The following MEAK7 variants were observed in gnomAD, a reference collection of about 807,000 sequenced individuals.
MEAK7 encodes the protein MTOR associated protein MEAK7.
MEAK7 carries 68 observed loss-of-function variants against 40.5 expected under a neutral mutation model. The ratio of observed to expected loss-of-function variants is 1.68; its 90% CI spans 1.38 to 2.06. MEAK7 has a LOEUF of 2.06. MEAK7 is among the 30% of genes most tolerant of loss of function. The pLI is 0.00. For missense variants in MEAK7, 918 were observed against 580.5 expected (o/e 1.58, Z -5.98); for synonymous variants, 338 against 231.9 (o/e 1.46, Z -4.16).
chr16:84,488,668 TA>T (rs1183115086), intron 4 of MEAK7, among the ~76,000 whole-genome samples: 1 of 152,260 alleles, frequency 6.6e-6, no homozygotes, highest in East Asian at 1.9e-4. Context: ...ATGGAGAAAT[TA>T]AATAACACAC....
Position 84,501,222 on chromosome 16 carries a change from C to G in MEAK7, c.-25-3111G>C, listed in dbSNP as rs545639187. Among the ~76,000 whole-genome samples, 117 of 151,910 alleles carry G rather than the reference C, an allele frequency of 7.7e-4. 3 individuals carry two copies. The South Asian group carries it at 0.018, about 24-fold the overall frequency. On this transcript the variant is annotated intron_variant, in intron 1 of 7. Transcript: ENST00000343629. ...AAAGGTCCCAAAGGTCACATTCCAG[C>G]TGAGTCTTCAGAGACTCACAGGTGA...
intron 3 of MEAK7, 45 bp downstream of exon 3, chr16:84,495,638 C>T: frequency 6.3e-7 from 1 of 1,596,426 alleles, no homozygotes; most frequent in Non-Finnish European, 8.6e-7. Flanking sequence ...CCGATGGTCA[C>T]CAAGACTGCT....
chr16:84,492,862 G>A (rs560123746), intron 3 of MEAK7, among the ~76,000 whole-genome samples: 68 of 152,276 alleles, frequency 4.5e-4, no homozygotes, highest in African/African-American at 1.1e-3. Context: ...CATTACAGGC[G>A]TCAGCCACTA....
chr16:84,501,911 G>A (rs966508510), intron 1 of MEAK7, among the ~76,000 whole-genome samples: 6 of 152,168 alleles, frequency 3.9e-5, no homozygotes, highest in African/African-American at 7.2e-5. Flanking sequence ...TTGGGAGGCC[G>A]AGGCGGGTGG....
intron 3 of MEAK7, among the ~76,000 whole-genome samples, chr16:84,491,846 A>C (rs1195274242): frequency 6.6e-6 from 1 of 152,074 alleles, no homozygotes; most frequent in Admixed American, 6.5e-5. Context: ...CAAAAAAAAA[A>C]AAAAGAAAAG....
At chr16:84,486,554 C>A (rs1047339455) in intron 5 of MEAK7, 77 bp downstream of exon 5, 16 of 1,511,782 alleles carry the variant, frequency 1.1e-5, no homozygotes, top group Non-Finnish European at 1.3e-5. Context: ...CTATTTAGCA[C>A]CCCCACCCTC....
In MEAK7 at chr16:84,482,707, TC is replaced by T; in HGVS notation, c.961del (p.Asp321ThrfsTer28). ...SWEVKPQFQG[D>X]NRCFLFSICP... ...GATGGAGAACAGGAAGCATCTGTTG[TC>T]CCCTGAAAGTAGCCAGAGAACAAAA... On this transcript the variant is annotated frameshift_variant and splice_region_variant, in exon 6 of 8. Coordinates refer to ENST00000343629, the MANE Select transcript of MEAK7 (RefSeq NM_020947.4). LOFTEE classifies it high-confidence loss of function. 6.2e-7 allele frequency: 1 copy of T among 1,614,076 alleles called. No homozygotes were observed. Among genetic ancestry groups the T allele is most frequent in the Non-Finnish European group, 8.5e-7 (1 of 1,179,994 alleles).
intron 3 of MEAK7, among the ~76,000 whole-genome samples, chr16:84,492,304 T>A (rs1447431434): frequency 6.6e-6 from 1 of 152,170 alleles, no homozygotes; most frequent in Non-Finnish European, 1.5e-5. Flanking sequence ...TTTAAAGAAT[T>A]ATAAAAGGTT....
chr16:84,495,810 A>C lies in MEAK7; in HGVS notation c.257T>G (p.Val86Gly), dbSNP rs777818173. The C allele has an allele frequency of 3.3e-5, 54 of 1,613,944 alleles. No individual in the cohort carries two copies. The highest frequency in any genetic ancestry group is 4.2e-5 in the Non-Finnish European group (50 of 1,180,022). The change falls in exon 3 of 8, where the codon GTG becomes GGG. Residue 86 changes from valine (V) to glycine (G), a missense_variant. Physicochemically the swap from Val to Gly is moderately radical, Grantham distance 109 (BLOSUM62 -3). Transcript: ENST00000343629. ...TGKAKGPSEN[V>G]SQEQFTASMS... ...GGATGCTGTGAACTGCTCCTGGGACACGTTCTCACTGGGTCCCTTCGCCTT... is the reference window on the plus strand; with the variant it reads ...GGATGCTGTGAACTGCTCCTGGGACCCGTTCTCACTGGGTCCCTTCGCCTT...
chr16:84,487,056 C>A lies in MEAK7; in HGVS notation c.533G>T (p.Gly178Val). Residue 178 changes from glycine to valine, a missense_variant, in exon 5 of 8, where the codon GGC (glycine) becomes GTC (valine). Transcript: ENST00000343629. Reference protein sequence around the residue: ...QLLSDMKLQDGKRLLGPQWLD... With the variant: ...QLLSDMKLQDVKRLLGPQWLD... ...CCACTGGGGCCCCAGAAGTCTCTTGCCATCTAGGGGAAGGGGATGGTCAGC... is the reference window on the plus strand; with the variant it reads ...CCACTGGGGCCCCAGAAGTCTCTTGACATCTAGGGGAAGGGGATGGTCAGC... The A allele has an allele frequency of 6.2e-7, 1 of 1,609,276 alleles. No homozygotes were observed. Among genetic ancestry groups the A allele is most frequent in the Non-Finnish European group, 8.5e-7 (1 of 1,177,680 alleles).
At position 84,486,634 on chromosome 16, in the gene MEAK7, G is replaced by A. The variant is rs762204423; in HGVS notation, c.955C>T (p.Gln319Ter). The A allele has an allele frequency of 3.1e-6, 5 of 1,602,582 alleles. No individual in the cohort carries two copies. The East Asian group carries it at 8.9e-5, about 29-fold the overall frequency. ...SCSWEVKPQF[Q>*]GDNRCFLFSI... ...GGTTCAGGACACCAAGTCTTACCTT[G>A]AAACTGAGGCTTCACCTCCCAAGAG... Residue 319 changes from glutamine to a stop codon, truncating the protein, a stop_gained, in exon 5 of 8, where the codon CAA (glutamine) becomes TAA (stop). Transcript: ENST00000343629. LOFTEE classifies it high-confidence loss of function.
Position 84,489,423 on chromosome 16 carries a change from C to G in MEAK7, c.385-1G>C. 12 of 1,606,238 alleles carry G rather than the reference C, an allele frequency of 7.5e-6. No individual in the cohort carries two copies. Among genetic ancestry groups the G allele is most frequent in the Non-Finnish European group, 1.0e-5 (12 of 1,175,520 alleles). ...CAGAGCCAACCAGATCCTCTGTAAA[C>G]TGTAAGATCACAATTTTACCATTAA... On this transcript the variant is annotated splice_acceptor_variant, in intron 3 of 7. Transcript: ENST00000343629. LOFTEE classifies it high-confidence loss of function.
At position 84,479,293 on chromosome 16, in the gene MEAK7, C is replaced by G. The variant is rs749843000; in HGVS notation, c.*620G>C. On this transcript the variant is annotated 3_prime_UTR_variant, in exon 8 of 8. Transcript: ENST00000343629. ...TCCCTCACCCGTCAGAACAGACCAT[C>G]AGGTACCACCTTCTAACAGGGATGG... 1 of 152,246 alleles carries G rather than the reference C, an allele frequency of 6.6e-6. No homozygotes were observed. Among genetic ancestry groups the G allele is most frequent in the East Asian group, 1.9e-4 (1 of 5,200 alleles). 9.4% of individuals were successfully genotyped at this position (152,246 alleles called of 1,614,324 possible).
At chr16:84,497,625 C>T in intron 2 of MEAK7, 4 of 1,364,526 alleles carry the variant, frequency 2.9e-6, no homozygotes, top group Non-Finnish European at 3.9e-6. Flanking sequence ...GTGAATCATT[C>T]ATTATCTACT....
intron 3 of MEAK7, among the ~76,000 whole-genome samples, chr16:84,493,724 G>C (rs1434101163): frequency 6.6e-6 from 1 of 152,146 alleles, no homozygotes; most frequent in Non-Finnish European, 1.5e-5. Context: ...ATAAGAATCT[G>C]TTTTCTTTTA....
intron 1 of MEAK7, among the ~76,000 whole-genome samples, chr16:84,503,790 G>C (rs575043676): frequency 6.6e-6 from 1 of 152,188 alleles, no homozygotes; most frequent in Non-Finnish European, 1.5e-5. Flanking sequence ...TTGTCTGCAG[G>C]ATGGCCCCCA....
In MEAK7 at chr16:84,495,811, C is replaced by G. The variant is rs367837096; in HGVS notation, c.256G>C (p.Val86Leu). The change falls in exon 3 of 8, where the codon GTG becomes CTG. Residue 86 changes from valine to leucine, a missense_variant. Transcript: ENST00000343629. ...TGKAKGPSEN[V>L]SQEQFTASMS... ...GATGCTGTGAACTGCTCCTGGGACA[C>G]GTTCTCACTGGGTCCCTTCGCCTTC... 1.1e-5 allele frequency: 18 copies of G among 1,613,936 alleles called. No homozygotes were observed. In the Admixed American group the frequency reaches 2.2e-4, roughly 19 times the overall value.
intron 1 of MEAK7, 115 bp downstream of exon 1, chr16:84,504,486 G>T: frequency 1.6e-6 from 1 of 636,186 alleles, no homozygotes; most frequent in Non-Finnish European, 2.0e-6. Context: ...AGGCGTGGGA[G>T]GCCAGGGAGG....
rs1324976522 is a variant in MEAK7, at chr16:84,479,711, A to G, written c.*202T>C. 4.9e-6 allele frequency: 2 copies of G among 410,292 alleles called. No individual in the cohort carries two copies. Among genetic ancestry groups the G allele is most frequent in the Non-Finnish European group, 8.7e-6 (2 of 228,860 alleles). The allele number at this position is 410,292 out of a possible 1,614,324, so 25.4% of individuals were successfully genotyped here. A position where few individuals can be genotyped will look rare whatever the true frequency, so the allele number is the denominator to read the frequency against. On this transcript the variant is annotated 3_prime_UTR_variant, in exon 8 of 8. Coordinates refer to ENST00000343629, the MANE Select transcript of MEAK7 (RefSeq NM_020947.4). ...TGTAGGGAAAAAAAGAAAACTTAAAAAACATCTATTTCTGGGAGATCCACC... is the reference window on the plus strand; with the variant it reads ...TGTAGGGAAAAAAAGAAAACTTAAAGAACATCTATTTCTGGGAGATCCACC...
Sources: allele counts gnomAD v4.1 joint callset (sites outside exome capture counted in the v4.1 genomes callset), GRCh38; gene constraint gnomAD v4.1.1; transcripts MANE v1.5; gene names NCBI Gene and HGNC (gene_info 2026-07-23, HGNC 2026-07-21).